Variants in ADAMTS13 observed in about 807,000 individuals in gnomAD.
ADAMTS13 encodes A disintegrin and metalloproteinase with thrombospondin motifs 13.
ADAMTS13 carries 110 observed loss-of-function variants against 155.1 expected under a neutral mutation model. The observed-to-expected ratio is 0.71, with a 90% confidence interval of 0.61 to 0.83. The LOEUF (loss-of-function observed/expected upper bound fraction) is 0.83, where lower values mean the gene tolerates loss of function less well. Among genes scored for constraint, ADAMTS13 ranks in the 40% least tolerant of loss-of-function variants. The pLI, the probability that ADAMTS13 is intolerant of heterozygous loss-of-function variation, is 0.00. For missense variants in ADAMTS13, 1,707 were observed against 1,891.7 expected (o/e 0.90, Z 1.81); for synonymous variants, 758 against 756.4 (o/e 1.00, Z -0.03).
intron 11 of ADAMTS13, among the ~76,000 whole-genome samples, chr9:133,436,383 G>A (rs587610291): frequency 2.2e-4 from 34 of 152,066 alleles, no homozygotes; most frequent in African/African-American, 8.2e-4. Context: ...CAGTGTGGCT[G>A]TCCAGGGAGT....
rs900860814 is a variant in ADAMTS13 at position 133,450,950 on chromosome 9, C to T, written c.3044+985C>T. ...GAGCAGAACCTAAAGCTGTGAGCAC[C>T]AGCATTCTGATGTGGAAGACGGGAG... On this transcript the variant is annotated intron_variant, in intron 23 of 28. Coordinates refer to ENST00000355699, the MANE Select transcript of ADAMTS13 (RefSeq NM_139027.6). 5.6e-4 allele frequency among the ~76,000 whole-genome samples: 86 copies of T among 152,246 alleles called. 1 individual carries two copies. Among genetic ancestry groups the T allele is most frequent in the Non-Finnish European group, 4.7e-4 (32 of 68,018 alleles).
chr9:133,417,504 G>A, upstream of ADAMTS13: 1 of 1,089,512 alleles, frequency 9.2e-7, no homozygotes, highest in South Asian at 1.4e-5. Context: ...CTGTTTACAA[G>A]ATTTCGATTC....
At position 133,443,360 on chromosome 9, in the gene ADAMTS13, C is replaced by T; in HGVS notation, c.2235-16C>T. 1 of 1,589,218 alleles carries T rather than the reference C, an allele frequency of 6.3e-7. No homozygotes were observed. The highest frequency in any genetic ancestry group is 8.5e-7 in the Non-Finnish European group (1 of 1,174,324). On this transcript the variant is annotated splice_polypyrimidine_tract_variant and intron_variant, in intron 18 of 28. Transcript: ENST00000355699. ...GGGACCTGGCCAGGGTCCCGACGCTCTGTCTCCTTCCTCAGCTGGGCGGTG... is the reference window on the plus strand; with the variant it reads ...GGGACCTGGCCAGGGTCCCGACGCTTTGTCTCCTTCCTCAGCTGGGCGGTG...
Position 133,445,241 on chromosome 9 carries a change from G to T in ADAMTS13, c.2610+189G>T, listed in dbSNP as rs1285494153. On this transcript the variant is annotated intron_variant, in intron 20 of 28. Transcript: ENST00000355699. This position sits in a 1 kb window ranked among gnomAD's most constrained non-coding sequence, Gnocchi z 5.0. ...AAGAGGGCTCAGGGCCCCTGGGAAG[G>T]CTCCCATTCCCCTTGCAAGCCGGGC... Among the ~76,000 whole-genome samples the T allele has an allele frequency of 6.6e-6, 1 of 152,204 alleles. No individual in the cohort carries two copies. Among genetic ancestry groups the T allele is most frequent in the African/African-American group, 2.4e-5 (1 of 41,452 alleles).
At position 133,433,813 on chromosome 9, in the gene ADAMTS13, G is replaced by A. The variant is rs587678694; in HGVS notation, c.1308+109G>A. 4.3e-4 allele frequency: 579 copies of A among 1,359,932 alleles called. 7 individuals are homozygous for A. In the South Asian group the frequency reaches 6.5e-3, roughly 15 times the overall value. 84.2% of individuals were successfully genotyped at this position (1,359,932 alleles called of 1,614,324 possible). ...CAGGACACATTTGAGAAGGACATTGGGGCCAGGTGAGGTGGCTTATGCCTG... is the reference window on the plus strand; with the variant it reads ...CAGGACACATTTGAGAAGGACATTGAGGCCAGGTGAGGTGGCTTATGCCTG... On this transcript the variant is annotated intron_variant, in intron 11 of 28. Transcript: ENST00000355699.
At chr9:133,436,357 G>T (rs1437017431) in intron 11 of ADAMTS13, among the ~76,000 whole-genome samples, 1 of 137,092 alleles carries the variant, frequency 7.3e-6, no homozygotes, top group Non-Finnish European at 1.7e-5. Flanking sequence ...GTGGGATTTC[G>T]TGGAGGCAGT....
upstream of ADAMTS13, among the ~76,000 whole-genome samples, chr9:133,421,214 C>T (rs894347222): frequency 1.1e-4 from 16 of 152,122 alleles, no homozygotes; most frequent in African/African-American, 1.7e-4. Flanking sequence ...TGCAGTGAGC[C>T]GAGATCGTGC....
chr9:133,445,147 G>T lies in ADAMTS13; in HGVS notation c.2610+95G>T. 1 of 1,366,378 alleles carries T rather than the reference G, an allele frequency of 7.3e-7. No homozygotes were observed. Among genetic ancestry groups the T allele is most frequent in the East Asian group, 2.5e-5 (1 of 40,108 alleles). The allele number at this position is 1,366,378 out of a possible 1,614,324, so 84.6% of individuals were successfully genotyped here. ...CCCATTGCCACCGTCCTCCAGGCCA[G>T]AGCAAGAACACCATCCTTCTGTGGG... On this transcript the variant is annotated intron_variant, in intron 20 of 28. Transcript: ENST00000355699. The surrounding 1 kb of genome is among the most constrained non-coding windows in gnomAD (Gnocchi z 5.0).
intron 12 of ADAMTS13, among the ~76,000 whole-genome samples, chr9:133,437,503 C>T (rs1226290445): frequency 6.6e-6 from 1 of 152,218 alleles, no homozygotes; most frequent in Non-Finnish European, 1.5e-5. Context: ...GGTGATCCGC[C>T]TGCCTCGGCT....
intron 1 of ADAMTS13, 37 bp from the exon 2 acceptor site, chr9:133,423,064 C>T (rs1840062354): frequency 1.9e-6 from 3 of 1,599,594 alleles, no homozygotes. Context: ...GCCAGAGCCA[C>T]TATGCCCGGC....
chr9:133,448,841 A>C, intron 22 of ADAMTS13, 113 bp downstream of exon 22: 2 of 1,485,838 alleles, frequency 1.3e-6, no homozygotes, highest in Non-Finnish European at 9.0e-7. Flanking sequence ...CTGGCTGTGC[A>C]CTGTGTGAGG....
At chr9:133,431,204 A>G (rs1220940682) in intron 8 of ADAMTS13, among the ~76,000 whole-genome samples, 7 of 152,026 alleles carry the variant, frequency 4.6e-5, no homozygotes, top group Non-Finnish European at 8.8e-5. Context: ...GCTTCAAGCC[A>G]TCCTCCCACC....
chr9:133,436,542 T>G (rs887941831), intron 11 of ADAMTS13, among the ~76,000 whole-genome samples: 2 of 152,226 alleles, frequency 1.3e-5, no homozygotes, highest in Non-Finnish European at 2.9e-5. Context: ...CCTGTTTTAT[T>G]GAGTTCAGGC....
At chr9:133,438,614 C>CA (rs782150246) in intron 14 of ADAMTS13, among the ~76,000 whole-genome samples, 410 of 151,452 alleles carry the variant, frequency 2.7e-3, no homozygotes, top group Non-Finnish European at 4.1e-3. Flanking sequence ...AGCCGTGCTG[C>CA]AAAAAAAACA....
At chr9:133,423,513 T>C (rs1007557342) in intron 2 of ADAMTS13, among the ~76,000 whole-genome samples, 4 of 152,196 alleles carry the variant, frequency 2.6e-5, no homozygotes, top group African/African-American at 9.7e-5. Context: ...ATTCCTTCTG[T>C]GGGAAACAAG....
At chr9:133,430,275 G>A in intron 8 of ADAMTS13, 174 bp downstream of exon 8, 2 of 895,410 alleles carry the variant, frequency 2.2e-6, no homozygotes, top group South Asian at 2.8e-5. Context: ...TATTTAAAAT[G>A]TTTGAACAAA....
rs898972988 is a variant in ADAMTS13, at chr9:133,445,638, C to T, written c.2611-61C>T. The T allele has an allele frequency of 2.5e-5, 41 of 1,611,092 alleles. No individual in the cohort carries two copies. Among genetic ancestry groups the T allele is most frequent in the South Asian group, 1.3e-4 (12 of 90,910 alleles). On this transcript the variant is annotated intron_variant, in intron 20 of 28. Coordinates refer to ENST00000355699, the MANE Select transcript of ADAMTS13 (RefSeq NM_139027.6). The surrounding 1 kb of genome is among the most constrained non-coding windows in gnomAD (Gnocchi z 5.0). The stretch of plus-strand genomic sequence containing the variant: ...CTGCTGCTGCCTGAGAAGATCGAGA[C>T]GGGGATCGCTGGGTCCTCAGAGGAG...
chr9:133,455,708 G>T, intron 25 of ADAMTS13: 1 of 1,443,744 alleles, frequency 6.9e-7, no homozygotes, highest in African/African-American at 1.4e-5. Flanking sequence ...CCTGGGTTGT[G>T]TGCCTGGGAG....
chr9:133,455,959 AC>A, intron 25 of ADAMTS13, 109 bp from the exon 26 acceptor site: 2 of 1,463,670 alleles, frequency 1.4e-6, no homozygotes, highest in Non-Finnish European at 1.9e-6. Flanking sequence ...GCCTTGGAGG[AC>A]AGGGTCCACC....
Sources: gnomAD v4.1 joint callset for allele counts (sites outside exome capture counted in the v4.1 genomes callset) on GRCh38, gnomAD v4.1.1 for gene constraint, Gnocchi (gnomAD v3.1) non-coding constraint, MANE v1.5 for transcripts, NCBI Gene and HGNC (gene_info 2026-07-23, HGNC 2026-07-21) for gene names.